The following SLC39A13 variants were observed in gnomAD, a reference collection of about 807,000 sequenced individuals.
SLC39A13 encodes the protein solute carrier family 39 member 13.
Under a neutral mutation model 38.7 loss-of-function variants are expected in SLC39A13, and 18 were observed. The ratio of observed to expected loss-of-function variants is 0.47; its 90% confidence interval spans 0.32 to 0.69. The LOEUF is 0.69. Among genes scored for constraint, SLC39A13 ranks in the 30% least tolerant of loss-of-function variants. The probability of loss-of-function intolerance (pLI) is 0.03; values close to 1 mark genes in which losing one functional copy is unlikely to be tolerated. For synonymous variants in SLC39A13, 212 were observed against 219.1 expected (o/e 0.97, Z 0.29); for missense variants, 395 against 490.7 (o/e 0.80, Z 1.84).
intron 1 of SLC39A13, 59 bp from the exon 2 acceptor site, chr11:47,410,028 C>T (rs2095989631): frequency 1.2e-6 from 2 of 1,603,202 alleles, no homozygotes; most frequent in East Asian, 4.5e-5. Flanking sequence ...CGCCACGTTT[C>T]CTAAGCAGGT....
Position 47,415,904 on chromosome 11 carries a change from C to A in SLC39A13, c.*541C>A. 1 of 212,556 alleles carries A rather than the reference C, an allele frequency of 4.7e-6. No homozygotes were observed. The highest frequency in any genetic ancestry group is 9.6e-6 in the Non-Finnish European group (1 of 103,726). 13.2% of individuals were successfully genotyped at this position (212,556 alleles called of 1,614,324 possible). A position where few individuals can be genotyped will look rare whatever the true frequency, so the allele number is the denominator to read the frequency against. ...AAAGGAGAGGCAGGTGCTCCTGTACCCCAGCCCCACTCAGCACTGACAGTC... is the reference window on the plus strand; with the variant it reads ...AAAGGAGAGGCAGGTGCTCCTGTACACCAGCCCCACTCAGCACTGACAGTC... On this transcript the variant is annotated 3_prime_UTR_variant, in exon 10 of 10. Transcript: ENST00000362021.
chr11:47,409,938 C>T, intron 1 of SLC39A13, 149 bp from the exon 2 acceptor site: 1 of 871,062 alleles, frequency 1.1e-6, no homozygotes, highest in South Asian at 1.5e-5. Flanking sequence ...TTGCTGTGCA[C>T]CCAGCATTTG....
rs868550444 is a variant in SLC39A13, at chr11:47,410,473, G to A, written c.301+78G>A. Reference sequence around the variant, plus strand: ...TGCTGCTCTTCTTAGGAGACCCCAGGTCACAGAGTGTCTGAGATGGAGGGA... The same window carrying A: ...TGCTGCTCTTCTTAGGAGACCCCAGATCACAGAGTGTCTGAGATGGAGGGA... On this transcript the variant is annotated intron_variant, in intron 2 of 9. Transcript: ENST00000362021. 5.8e-6 allele frequency: 9 copies of A among 1,540,258 alleles called. No homozygotes were observed. In the Middle Eastern group the frequency reaches 5.1e-4, roughly 87 times the overall value.
chr11:47,410,841 A>C lies in SLC39A13; in HGVS notation c.301+446A>C, dbSNP rs866410001. Among the ~76,000 whole-genome samples, 20 of 152,320 alleles carry C rather than the reference A, an allele frequency of 1.3e-4. No homozygotes were observed. In the South Asian group the frequency reaches 3.5e-3, roughly 27 times the overall value. On this transcript the variant is annotated intron_variant, in intron 2 of 9. Transcript: ENST00000362021. ...GAGCATCCCAGGGGCTGGTGCTGCC[A>C]GCTGGATGCTCAGGAACCATTCACT... is the stretch of plus-strand genomic sequence containing the variant.
In SLC39A13 at chr11:47,415,821, G is replaced by T; in HGVS notation, c.*458G>T. On this transcript the variant is annotated 3_prime_UTR_variant, in exon 10 of 10. Coordinates refer to ENST00000362021, the MANE Select transcript of SLC39A13 (RefSeq NM_001128225.3). The stretch of plus-strand genomic sequence containing the variant: ...AGTCCCCAGGCGGCCTAGGGGCCAA[G>T]GCTGGGGCGGCTTTGGTCCCTTTTC... 1 of 253,906 alleles carries T rather than the reference G, an allele frequency of 3.9e-6. No individual in the cohort carries two copies. The highest frequency in any genetic ancestry group is 7.8e-6 in the Non-Finnish European group (1 of 128,176). 15.7% of individuals were successfully genotyped at this position (253,906 alleles called of 1,614,324 possible).
chr11:47,410,069 G>A lies in SLC39A13; in HGVS notation c.-8-18G>A. 2 of 1,611,756 alleles carry A rather than the reference G, an allele frequency of 1.2e-6. No individual in the cohort carries two copies. The highest frequency in any genetic ancestry group is 1.7e-6 in the Non-Finnish European group (2 of 1,179,960). On this transcript the variant is annotated intron_variant, in intron 1 of 9. Transcript: ENST00000362021. ...GCCAAGGCTGTAGCTCATATAGGTGGCCTTTTGTGTTTTTCAGTACGTGGC... is the reference window on the plus strand; with the variant it reads ...GCCAAGGCTGTAGCTCATATAGGTGACCTTTTGTGTTTTTCAGTACGTGGC...
intron 3 of SLC39A13, 125 bp from the exon 4 acceptor site, chr11:47,412,221 C>T (rs2096003225): frequency 2.2e-6 from 3 of 1,395,342 alleles, no homozygotes; most frequent in Admixed American, 4.0e-5. Context: ...GTTCTGGGCC[C>T]CAGCTGCCCA....
rs180732588 is a variant in SLC39A13, at chr11:47,412,487, G to T, written c.537+20G>T. 6.2e-7 allele frequency: 1 copy of T among 1,614,012 alleles called. No individual in the cohort carries two copies. The highest frequency in any genetic ancestry group is 1.3e-5 in the African/African-American group (1 of 75,060). On this transcript the variant is annotated intron_variant, in intron 4 of 9. Coordinates refer to ENST00000362021, the MANE Select transcript of SLC39A13 (RefSeq NM_001128225.3). ...AGCCAGGTGGGCCCCACACTCAAGG[G>T]CCTGGATATATCAGCCTCTGTTCTG...
In SLC39A13 at chr11:47,416,210, T is replaced by C. The variant is rs922556691; in HGVS notation, c.*847T>C. 2 of 152,834 alleles carry C rather than the reference T, an allele frequency of 1.3e-5. No homozygotes were observed. The highest frequency in any genetic ancestry group is 2.9e-5 in the Non-Finnish European group (2 of 68,252). The allele number at this position is 152,834 out of a possible 1,614,324, so 9.5% of individuals were successfully genotyped here. Reference sequence around the variant, plus strand: ...CAGCTCAGGCCCCTTTCCTTCCCCATTGAGGTTGGGGTAGGTGGGGGCGGT... The same window carrying C: ...CAGCTCAGGCCCCTTTCCTTCCCCACTGAGGTTGGGGTAGGTGGGGGCGGT... On this transcript the variant is annotated 3_prime_UTR_variant, in exon 10 of 10. Coordinates refer to ENST00000362021, the MANE Select transcript of SLC39A13 (RefSeq NM_001128225.3).
rs140844921 is a variant in SLC39A13, at chr11:47,410,172, C to A, written c.78C>A (p.Leu26=). Residue 26 remains leucine, a synonymous_variant, in exon 2 of 10, where the codon CTC becomes CTA. Coordinates refer to ENST00000362021, the MANE Select transcript of SLC39A13 (RefSeq NM_001128225.3). ...TCCTCACTGCCCTTGCCCTGGAGCT[C>A]TTGGAAAGGGCTGGGGGTTCCCAGC... ...LLFLTALALE[L]LERAGGSQPA... 3.4e-5 allele frequency: 55 copies of A among 1,613,580 alleles called. No homozygotes were observed. In the Admixed American group the frequency reaches 6.3e-4, roughly 19 times the overall value.
intron 2 of SLC39A13, among the ~76,000 whole-genome samples, chr11:47,411,387 C>G (rs1024187413): frequency 4.6e-5 from 7 of 152,036 alleles, no homozygotes; most frequent in African/African-American, 1.2e-4. Context: ...GGCAGATCAC[C>G]TGAGGTCAGG....
intron 7 of SLC39A13, 73 bp from the exon 8 acceptor site, chr11:47,414,704 G>A (rs967749228): frequency 5.0e-6 from 8 of 1,592,872 alleles, no homozygotes; most frequent in Non-Finnish European, 6.8e-6. Flanking sequence ...GGCTCAGTGT[G>A]TATATCGTAC....
chr11:47,414,587 T>C (rs960804183), intron 7 of SLC39A13, 112 bp downstream of exon 7: 7 of 1,507,820 alleles, frequency 4.6e-6, no homozygotes, highest in Non-Finnish European at 6.4e-6. Flanking sequence ...CATGGCACTC[T>C]GGGGCTGGGC....
In SLC39A13 at chr11:47,410,137, A is replaced by T; in HGVS notation, c.43A>T (p.Arg15Trp). ...PCPGCGMAGP[R>W]LLFLTALALE... ...CCCTGGCTGTGGCATGGCGGGCCCA[A>T]GGCTCCTCTTCCTCACTGCCCTTGC... The change falls in exon 2 of 10, where the codon AGG becomes TGG. Residue 15 changes from arginine (R) to tryptophan (W), a missense_variant. Coordinates refer to ENST00000362021, the MANE Select transcript of SLC39A13 (RefSeq NM_001128225.3). 1 of 1,613,164 alleles carries T rather than the reference A, an allele frequency of 6.2e-7. No homozygotes were observed. Among genetic ancestry groups the T allele is most frequent in the Non-Finnish European group, 8.5e-7 (1 of 1,179,998 alleles).
rs561987823 is a variant in SLC39A13 at position 47,411,195 on chromosome 11, C to G, written c.302-731C>G. ...GGGTTGGACATGGCTTTCAGGCAGG[C>G]GACTTCCAACCCTGGATGCTGCAAG... is the stretch of plus-strand genomic sequence containing the variant. On this transcript the variant is annotated intron_variant, in intron 2 of 9. Coordinates refer to ENST00000362021, the MANE Select transcript of SLC39A13 (RefSeq NM_001128225.3). Among the ~76,000 whole-genome samples the G allele has an allele frequency of 7.2e-5, 11 of 152,274 alleles. No individual in the cohort carries two copies. The South Asian group carries it at 8.3e-4, about 11-fold the overall frequency.
chr11:47,414,665 T>G, intron 7 of SLC39A13, 112 bp from the exon 8 acceptor site: 1 of 1,558,938 alleles, frequency 6.4e-7, no homozygotes, highest in Non-Finnish European at 8.7e-7. Context: ...AGGATGGGGG[T>G]CCCAGGGGAA....
At position 47,411,974 on chromosome 11, in the gene SLC39A13, T is replaced by C; in HGVS notation, c.350T>C (p.Leu117Pro). 1 of 1,613,962 alleles carries C rather than the reference T, an allele frequency of 6.2e-7. No homozygotes were observed. Residue 117 changes from leucine (L) to proline (P), a missense_variant, in exon 3 of 10, where the codon CTC (leucine) becomes CCC (proline). Coordinates refer to ENST00000362021, the MANE Select transcript of SLC39A13 (RefSeq NM_001128225.3). ...KQLLSFALGGLLGNVFLHLLP... is the reference protein window; with the variant it reads ...KQLLSFALGGPLGNVFLHLLP... ...CTGCTCAGCTTCGCCCTGGGGGGAC[T>C]CTTGGGCAATGTGTTTCTGCATCTG...
chr11:47,415,656 TAAGCAGCGAGGAA>T lies in SLC39A13; in HGVS notation c.*294_*306del, dbSNP rs1287324745. 1 of 513,928 alleles carries T rather than the reference TAAGCAGCGAGGAA, an allele frequency of 1.9e-6. No homozygotes were observed. Among genetic ancestry groups the T allele is most frequent in the Non-Finnish European group, 3.6e-6 (1 of 278,236 alleles). 31.8% of individuals were successfully genotyped at this position (513,928 alleles called of 1,614,324 possible). On this transcript the variant is annotated 3_prime_UTR_variant, in exon 10 of 10. Transcript: ENST00000362021. The stretch of plus-strand genomic sequence containing the variant: ...GCCCTGTCACCTTCACCTCCCGGAG[TAAGCAGCGAGGAA>T]GAGCAGCACTGGTCCCAAGCAGAGG...
chr11:47,414,724 C>G, intron 7 of SLC39A13, 53 bp from the exon 8 acceptor site: 1 of 1,599,700 alleles, frequency 6.3e-7, no homozygotes, highest in East Asian at 2.2e-5. Context: ...CCTGAGCACT[C>G]AGGGCATCAG....
Sources: allele counts gnomAD v4.1 joint callset (sites outside exome capture counted in the v4.1 genomes callset), GRCh38; gene constraint gnomAD v4.1.1; transcripts MANE v1.5; gene names NCBI Gene and HGNC (gene_info 2026-07-23, HGNC 2026-07-21).